The following NR3C1 variants were observed in gnomAD, a reference collection of about 807,000 sequenced individuals.
The protein encoded by NR3C1 is nuclear receptor subfamily 3 group C member 1.
A neutral mutation model predicts 74.0 loss-of-function variants in NR3C1; 14 were observed. The observed-to-expected ratio is 0.19, with a 90% CI of 0.12 to 0.30. NR3C1 has a LOEUF of 0.30. Ranked by LOEUF, NR3C1 falls within the 10% of genes least tolerant of loss-of-function variation. The pLI is 1.00. For synonymous variants in NR3C1, 308 were observed against 332.5 expected (o/e 0.93, Z 0.80); for missense variants, 695 against 909.8 (o/e 0.76, Z 3.04).
chr5:143,376,714 T>C (rs1232583010), intron 2 of NR3C1, among the ~76,000 whole-genome samples: 3 of 152,224 alleles, frequency 2.0e-5, no homozygotes, highest in African/African-American at 4.8e-5. Flanking sequence ...TCTTGGGTTC[T>C]GACCCTGTAA....
intron 2 of NR3C1, among the ~76,000 whole-genome samples, chr5:143,356,665 T>C (rs1041452707): frequency 6.9e-6 from 1 of 144,062 alleles, no homozygotes; most frequent in Non-Finnish European, 1.5e-5. Context: ...TTTACTTTTC[T>C]GTTTCTCACA....
At chr5:143,308,355 G>A (rs1265201643) in intron 4 of NR3C1, among the ~76,000 whole-genome samples, 2 of 152,066 alleles carry the variant, frequency 1.3e-5, no homozygotes, top group African/African-American at 2.4e-5. Context: ...GTGTACATCC[G>A]TAGCCCTACT....
chr5:143,372,504 T>C (rs1347612706), intron 2 of NR3C1, among the ~76,000 whole-genome samples: 1 of 152,170 alleles, frequency 6.6e-6, no homozygotes, highest in African/African-American at 2.4e-5. Context: ...CTTCGATTCT[T>C]TATTTCTGTA....
chr5:143,374,781 A>G (rs1419845911), intron 2 of NR3C1, among the ~76,000 whole-genome samples: 2 of 152,170 alleles, frequency 1.3e-5, no homozygotes, highest in African/African-American at 4.8e-5. Flanking sequence ...GTACTTGAAC[A>G]CAGCTTCCAC....
chr5:143,333,435 T>C (rs996457442), intron 2 of NR3C1, among the ~76,000 whole-genome samples: 2 of 152,168 alleles, frequency 1.3e-5, no homozygotes, highest in African/African-American at 4.8e-5. Flanking sequence ...GGGCTATGCA[T>C]AGCCTAAGAG....
chr5:143,389,210 G>GAA, intron 2 of NR3C1, among the ~76,000 whole-genome samples: 1 of 152,122 alleles, frequency 6.6e-6, no homozygotes, highest in Non-Finnish European at 1.5e-5. Context: ...CCATGCTGCT[G>GAA]GGGATATTCA....
intron 2 of NR3C1, among the ~76,000 whole-genome samples, chr5:143,393,824 G>A (rs1467525744): frequency 6.6e-6 from 1 of 151,954 alleles, no homozygotes. Flanking sequence ...AATAGCCACA[G>A]CTAAATATTA....
chr5:143,403,846 C>G (rs986319189), upstream of NR3C1: 7 of 968,904 alleles, frequency 7.2e-6, no homozygotes, highest in Non-Finnish European at 8.6e-6. Flanking sequence ...GCCCTCCGCG[C>G]GGGCCCCGCC....
intron 1 of NR3C1, among the ~76,000 whole-genome samples, chr5:143,420,772 G>A (rs1326504644): frequency 2.0e-5 from 3 of 152,248 alleles, no homozygotes; most frequent in Non-Finnish European, 4.4e-5. Context: ...TGCCCTAGAT[G>A]TAACCCAGTC....
chr5:143,434,574 C>A, exon 1 of NR3C1: 1 of 985,406 alleles, frequency 1.0e-6, no homozygotes, highest in Non-Finnish European at 1.2e-6. Flanking sequence ...CTTCTTTGTT[C>A]TTTGAGGAAA....
intron 4 of NR3C1, among the ~76,000 whole-genome samples, chr5:143,309,374 G>C (rs1820410967): frequency 6.6e-6 from 1 of 152,158 alleles, no homozygotes; most frequent in South Asian, 2.1e-4. Context: ...ACTTCTCACT[G>C]TTGTGTGCAT....
At chr5:143,404,253 C>A (rs1001259884), upstream of NR3C1, 11 of 985,444 alleles carry the variant, frequency 1.1e-5, no homozygotes, top group Non-Finnish European at 1.1e-5. Flanking sequence ...TCGAAAGGGG[C>A]TACGGGGTTG....
intron 2 of NR3C1, among the ~76,000 whole-genome samples, chr5:143,341,610 G>A (rs976649740): frequency 6.6e-6 from 1 of 152,222 alleles, no homozygotes; most frequent in African/African-American, 2.4e-5. Flanking sequence ...AACAGAACAT[G>A]TGTATCATAT....
intron 7 of NR3C1, among the ~76,000 whole-genome samples, chr5:143,289,310 A>G (rs1815309801): frequency 6.6e-6 from 1 of 152,162 alleles, no homozygotes; most frequent in Non-Finnish European, 1.5e-5. Context: ...ACACATATAC[A>G]AACAACTGAT....
chr5:143,285,389 A>C lies in NR3C1; in HGVS notation c.2024-2664T>G, dbSNP rs117669588. ...GTCAGAGATATAGCAGACAAATCTA[A>C]CATTATAAACACCTTTGTCTCAGAA... On this transcript the variant is annotated intron_variant, in intron 7 of 8. Coordinates refer to ENST00000394464, the MANE Select transcript of NR3C1 (RefSeq NM_000176.3). Among the ~76,000 whole-genome samples, 157 of 152,252 alleles carry C rather than the reference A, an allele frequency of 1.0e-3. 3 individuals are homozygous for C. The East Asian group carries it at 0.022, about 21-fold the overall frequency.
intron 3 of NR3C1, among the ~76,000 whole-genome samples, chr5:143,313,737 A>G (rs1561541825): frequency 6.6e-6 from 1 of 152,184 alleles, no homozygotes; most frequent in African/African-American, 2.4e-5. Flanking sequence ...ATTTCATATG[A>G]TAGCACTTTC....
chr5:143,348,466 T>C (rs10482642), intron 2 of NR3C1, among the ~76,000 whole-genome samples: 19,809 of 152,166 alleles, frequency 0.13, 1,493 homozygotes, highest in Middle Eastern at 0.3. Flanking sequence ...AGCAAAAAAT[T>C]TGAGTCGACT....
In NR3C1 at chr5:143,308,664, T is replaced by G. The variant is rs35023410; in HGVS notation, c.1468+1433A>C. The stretch of plus-strand genomic sequence containing the variant: ...TCTAATTCCTACTCAGCTTATAGAT[T>G]TAAAATTCAATGTTACTTCTTCCTT... On this transcript the variant is annotated intron_variant, in intron 4 of 8. Coordinates refer to ENST00000394464, the MANE Select transcript of NR3C1 (RefSeq NM_000176.3). 5.1e-3 allele frequency among the ~76,000 whole-genome samples: 771 copies of G among 152,316 alleles called. 4 individuals are homozygous for G. The highest frequency in any genetic ancestry group is 0.017 in the African/African-American group (718 of 41,566).
chr5:143,403,991 C>A, upstream of NR3C1: 1 of 984,976 alleles, frequency 1.0e-6, no homozygotes, highest in South Asian at 4.7e-5. Context: ...CCGACCTGGT[C>A]TCTCTGGGGC....
Sources: allele counts gnomAD v4.1 joint callset (sites outside exome capture counted in the v4.1 genomes callset), GRCh38; gene constraint gnomAD v4.1.1; transcripts MANE v1.5; gene names NCBI Gene and HGNC (gene_info 2026-07-23, HGNC 2026-07-21).